Variants in TUBGCP3 observed in about 807,000 individuals in gnomAD.
TUBGCP3 encodes gamma-tubulin complex component 3.
Under a neutral mutation model 123.1 loss-of-function variants are expected in TUBGCP3, and 50 were observed. The ratio of observed to expected loss-of-function variants is 0.41; its 90% CI spans 0.32 to 0.51. The LOEUF (loss-of-function observed/expected upper bound fraction) is 0.51, where lower values mean the gene tolerates loss of function less well. TUBGCP3 is among the 20% of genes least tolerant of loss of function. The pLI is 0.36. For missense variants in TUBGCP3, 882 were observed against 1,127.0 expected (o/e 0.78, Z 3.11); for synonymous variants, 405 against 413.9 (o/e 0.98, Z 0.26).
At chr13:112,564,821 A>G (rs1419998131) in intron 3 of TUBGCP3, among the ~76,000 whole-genome samples, 2 of 152,230 alleles carry the variant, frequency 1.3e-5, no homozygotes, top group African/African-American at 4.8e-5. Flanking sequence ...ACTTCTACCA[A>G]TGTGCTTCCT....
intron 11 of TUBGCP3, among the ~76,000 whole-genome samples, chr13:112,538,518 T>C (rs1332338080): frequency 2.0e-5 from 3 of 152,214 alleles, no homozygotes; most frequent in Non-Finnish European, 2.9e-5. Context: ...ATGGTCTCAA[T>C]TGACCTAAAC....
At position 112,508,610 on chromosome 13, in the gene TUBGCP3, C is replaced by T. The variant is rs772820217; in HGVS notation, c.2087-3896G>A. On this transcript the variant is annotated intron_variant, in intron 17 of 21. Transcript: ENST00000261965. This position sits in a 1 kb window ranked among gnomAD's most constrained non-coding sequence, Gnocchi z 4.2. Reference sequence around the variant, plus strand: ...CATCCAGGCTGATGACATCTAAAATCTTTACCTCTAGTCTAGATCTATCTT... The same window carrying T: ...CATCCAGGCTGATGACATCTAAAATTTTTACCTCTAGTCTAGATCTATCTT... Among the ~76,000 whole-genome samples the T allele has an allele frequency of 6.6e-6, 1 of 152,160 alleles. No homozygotes were observed. Among genetic ancestry groups the T allele is most frequent in the Non-Finnish European group, 1.5e-5 (1 of 68,026 alleles).
At chr13:112,567,426 G>A (rs764173503) in intron 2 of TUBGCP3, among the ~76,000 whole-genome samples, 27 of 152,098 alleles carry the variant, frequency 1.8e-4, no homozygotes, top group Non-Finnish European at 3.2e-4. Context: ...TAAAGGAAAT[G>A]GTCTGTTTAT....
chr13:112,527,874 G>A (rs1207667571), intron 11 of TUBGCP3, among the ~76,000 whole-genome samples: 1 of 152,172 alleles, frequency 6.6e-6, no homozygotes, highest in African/African-American at 2.4e-5. Context: ...TGCCCTTGCA[G>A]TCTCTCTTTT....
chr13:112,558,552 T>C lies in TUBGCP3; in HGVS notation c.331-139A>G, dbSNP rs142216379. On this transcript the variant is annotated intron_variant, in intron 4 of 21. Transcript: ENST00000261965. ...GTTCCATACTTTATTAAACAATAAA[T>C]TAGATGTTATGCTTTTGAAATATGC... The C allele has an allele frequency of 8.5e-4, 622 of 732,644 alleles. 11 individuals carry two copies. The African/African-American group carries it at 9.8e-3, about 12-fold the overall frequency. 45.4% of individuals were successfully genotyped at this position (732,644 alleles called of 1,614,324 possible). A position where few individuals can be genotyped will look rare whatever the true frequency, so the allele number is the denominator to read the frequency against.
rs568306520 is a variant in TUBGCP3, at chr13:112,577,834, T to A, written c.77-8575A>T. ...CAGTCTGGAGTGGGGAGCCATGGCA[T>A]CAATATTTTTTAAAGCTCCGTTTTC... On this transcript the variant is annotated intron_variant, in intron 1 of 21. Transcript: ENST00000261965. Among the ~76,000 whole-genome samples the A allele has an allele frequency of 2.2e-4, 34 of 152,272 alleles. No homozygotes were observed. The South Asian group carries it at 2.5e-3, about 11-fold the overall frequency.
upstream of TUBGCP3, among the ~76,000 whole-genome samples, chr13:112,588,489 G>A (rs914153394): frequency 6.6e-6 from 1 of 152,206 alleles, no homozygotes; most frequent in Non-Finnish European, 1.5e-5. Flanking sequence ...GAAAAAAGAA[G>A]CCTGTTTAAA....
intron 6 of TUBGCP3, among the ~76,000 whole-genome samples, chr13:112,555,703 G>A (rs902257355): frequency 1.3e-5 from 2 of 152,146 alleles, no homozygotes; most frequent in Admixed American, 1.3e-4. Flanking sequence ...GACTTTTACT[G>A]GGGGCCTAAC....
chr13:112,579,515 G>T (rs543058244), intron 1 of TUBGCP3, among the ~76,000 whole-genome samples: 3 of 150,930 alleles, frequency 2.0e-5, no homozygotes, highest in African/African-American at 7.3e-5. Context: ...GAGTGTCAGG[G>T]GGCCACGGCA....
At chr13:112,551,029 G>A (rs1369546404) in intron 8 of TUBGCP3, among the ~76,000 whole-genome samples, 3 of 152,100 alleles carry the variant, frequency 2.0e-5, no homozygotes, top group Non-Finnish European at 2.9e-5. Context: ...AACATGGGAG[G>A]CGGAGCTTGC....
rs755455652 is a variant in TUBGCP3, at chr13:112,486,171, G to A, written c.2566-20C>T. 4 of 1,609,258 alleles carry A rather than the reference G, an allele frequency of 2.5e-6. No individual in the cohort carries two copies. The highest frequency in any genetic ancestry group is 3.4e-5 in the Admixed American group (2 of 59,058). On this transcript the variant is annotated intron_variant, in intron 21 of 21. Coordinates refer to ENST00000261965, the MANE Select transcript of TUBGCP3 (RefSeq NM_006322.6). Reference sequence around the variant, plus strand: ...GATACCCTAAAAAGAAGCAAAAGGAGTAAAATATTGTTTCAGAAAAGAACA... The same window carrying A: ...GATACCCTAAAAAGAAGCAAAAGGAATAAAATATTGTTTCAGAAAAGAACA...
intron 17 of TUBGCP3, among the ~76,000 whole-genome samples, chr13:112,505,921 G>A (rs1311711486): frequency 6.6e-6 from 1 of 152,174 alleles, no homozygotes; most frequent in East Asian, 1.9e-4. Context: ...CGGTGCCTGG[G>A]TCTCGGGAAG....
At chr13:112,521,846 G>A (rs1314984959) in intron 14 of TUBGCP3, 1 of 985,286 alleles carries the variant, frequency 1.0e-6, no homozygotes, top group Non-Finnish European at 1.2e-6. Context: ...AACTTGTGGA[G>A]AAGGACATAC....
chr13:112,592,057 C>T (rs117618364), upstream of TUBGCP3, among the ~76,000 whole-genome samples: 3,037 of 152,204 alleles, frequency 0.02, 36 homozygotes, highest in Non-Finnish European at 0.029. The surrounding 1 kb of genome is among the most constrained non-coding windows in gnomAD (Gnocchi z 4.1). Context: ...GCATAGTGAC[C>T]GGGTGTTTAC....
rs1380984788 is a variant in TUBGCP3, at chr13:112,558,203, G to A, written c.541C>T (p.Leu181Phe). ...SGPAPAPQSL[L>F]PGQSNQAPGV... ...ACGTCAGTGTGGCCTTACCCTGGGA[G>A]GAGAGATTGTGGCGCAGGCGCGGGG... is the stretch of plus-strand genomic sequence containing the variant. The change falls in exon 5 of 22, where the codon CTC becomes TTC. Residue 181 changes from leucine to phenylalanine, a missense_variant. Around this residue, in one of 3 missense-constraint regions of TUBGCP3, gnomAD observed 713 missense variants for 874.0 expected, o/e 0.82. Coordinates refer to ENST00000261965, the MANE Select transcript of TUBGCP3 (RefSeq NM_006322.6). The A allele has an allele frequency of 1.2e-6, 2 of 1,610,304 alleles. No individual in the cohort carries two copies. The highest frequency in any genetic ancestry group is 1.7e-6 in the Non-Finnish European group (2 of 1,178,706).
At chr13:112,591,847 A>G (rs1007695919), upstream of TUBGCP3, among the ~76,000 whole-genome samples, 6 of 152,258 alleles carry the variant, frequency 3.9e-5, no homozygotes, top group African/African-American at 1.4e-4. Context: ...TCGGGATGGC[A>G]TAACACAAAC....
At chr13:112,549,425 T>C (rs1879364041) in intron 8 of TUBGCP3, among the ~76,000 whole-genome samples, 1 of 152,186 alleles carries the variant, frequency 6.6e-6, no homozygotes, top group Admixed American at 6.5e-5. Context: ...ACGGCACATG[T>C]ATACATATGT....
At chr13:112,556,275 C>T (rs571208493) in intron 5 of TUBGCP3, 51 bp from the exon 6 acceptor site, 12 of 1,546,128 alleles carry the variant, frequency 7.8e-6, no homozygotes, top group East Asian at 2.3e-5. Flanking sequence ...GCTGAAGAGA[C>T]AAAAGTGTCC....
At chr13:112,513,988 C>T (rs1185716218) in intron 17 of TUBGCP3, among the ~76,000 whole-genome samples, 1 of 152,142 alleles carries the variant, frequency 6.6e-6, no homozygotes, top group Non-Finnish European at 1.5e-5. Context: ...ACCCTTTGTC[C>T]AGCAAATTCA....
Sources: allele counts gnomAD v4.1 joint callset (sites outside exome capture counted in the v4.1 genomes callset), GRCh38; gene constraint gnomAD v4.1.1; regional missense constraint gnomAD v4.1.1; non-coding constraint Gnocchi (gnomAD v3.1); transcripts MANE v1.5; gene names NCBI Gene and HGNC (gene_info 2026-07-23, HGNC 2026-07-21).